CCAR1: variants seen among roughly 807,000 people sequenced by gnomAD.
CCAR1 encodes cell division cycle and apoptosis regulator protein 1.
In CCAR1, 78 loss-of-function variants were observed where a neutral mutation model predicts 163.8. That is an observed-to-expected ratio of 0.48 (90% CI 0.40 to 0.57). CCAR1 has a LOEUF of 0.57. Among genes scored for constraint, CCAR1 ranks in the 20% least tolerant of loss-of-function variants. CCAR1 has a pLI of 0.00. For missense variants in CCAR1, 1,019 were observed against 1,365.2 expected, an observed-to-expected ratio of 0.75 and a Z score of 4.00; for synonymous variants, 443 against 460.7, an observed-to-expected ratio of 0.96 and a Z score of 0.49.
intron 1 of CCAR1, chr10:68,721,557 C>A (rs967790285): frequency 4.5e-6 from 2 of 449,122 alleles, no homozygotes; most frequent in Non-Finnish European, 8.9e-6. Flanking sequence ...TGCAGTCCGC[C>A]GCCCCATTGC....
At chr10:68,749,479 C>T (rs1206900847) in intron 9 of CCAR1, 45 bp from the exon 10 acceptor site, 1 of 1,493,230 alleles carries the variant, frequency 6.7e-7, no homozygotes, top group Non-Finnish European at 9.2e-7. Context: ...AGAGCTTTTC[C>T]ATAATATTAG....
At position 68,791,330 on chromosome 10, in the gene CCAR1, G is replaced by T; in HGVS notation, c.*64G>T. ...GTAATATATAAAAATCATGATATAA[G>T]AATGTTTGAAGGTGATGCATGTTTG... is the stretch of plus-strand genomic sequence containing the variant. On this transcript the variant is annotated 3_prime_UTR_variant, in exon 25 of 25. Transcript: ENST00000265872. The T allele has an allele frequency of 8.7e-7, 1 of 1,143,688 alleles. No individual in the cohort carries two copies. Among genetic ancestry groups the T allele is most frequent in the South Asian group, 1.4e-5 (1 of 69,800 alleles). The allele number at this position is 1,143,688 out of a possible 1,614,324, so 70.8% of individuals were successfully genotyped here. A position where few individuals can be genotyped will look rare whatever the true frequency, so the allele number is the denominator to read the frequency against.
chr10:68,749,563 A>G lies in CCAR1; in HGVS notation c.996A>G (p.Arg332=). The change falls in exon 10 of 25, where the codon AGA becomes AGG. Residue 332 remains arginine (R), a synonymous_variant. Coordinates refer to ENST00000265872, the MANE Select transcript of CCAR1 (RefSeq NM_018237.4). ...RERERRRSRE[R]SPQRKRSRER... is the part of the protein sequence containing the mutation. ...GAGAAAGACGTAGATCGAGAGAAAGATCACCTCAGAGGAAACGTTCCCGGG... is the reference window on the plus strand; with the variant it reads ...GAGAAAGACGTAGATCGAGAGAAAGGTCACCTCAGAGGAAACGTTCCCGGG... The G allele has an allele frequency of 6.2e-7, 1 of 1,613,972 alleles. No individual in the cohort carries two copies. The highest frequency in any genetic ancestry group is 1.1e-5 in the South Asian group (1 of 91,068).
At chr10:68,730,122 A>T (rs985996787) in intron 2 of CCAR1, among the ~76,000 whole-genome samples, 1 of 151,576 alleles carries the variant, frequency 6.6e-6, no homozygotes. Context: ...GGGTTTTGCC[A>T]TGTTGGTCAG....
chr10:68,764,691 G>C (rs2056515756), intron 16 of CCAR1, among the ~76,000 whole-genome samples: 1 of 152,090 alleles, frequency 6.6e-6, no homozygotes, highest in African/African-American at 2.4e-5. Flanking sequence ...CTGAAGAATT[G>C]CTACAGATAG....
intron 6 of CCAR1, among the ~76,000 whole-genome samples, chr10:68,745,733 G>A (rs2056244808): frequency 6.6e-6 from 1 of 151,816 alleles, no homozygotes; most frequent in Admixed American, 6.6e-5. Context: ...CAAAGTGCTG[G>A]GATTACAGGC....
intron 10 of CCAR1, among the ~76,000 whole-genome samples, chr10:68,753,051 A>G (rs2056354283): frequency 6.6e-6 from 1 of 152,202 alleles, no homozygotes; most frequent in African/African-American, 2.4e-5. Flanking sequence ...TCAAATAAAG[A>G]CATCTCTGCA....
rs552058176 is a variant in CCAR1, at chr10:68,746,139, ATTTTTGTATTTTC to A, written c.519-1021_519-1009del. 3.2e-3 allele frequency among the ~76,000 whole-genome samples: 489 copies of A among 151,620 alleles called. 3 individuals are homozygous for A. The highest frequency in any genetic ancestry group is 0.012 in the African/African-American group (478 of 41,392). On this transcript the variant is annotated intron_variant, in intron 6 of 24. Transcript: ENST00000265872. ...AGGCTCCTGCCACCACGCCTGGCTAATTTTTGTATTTTCAGTAGGGATGGGGTTTCGCCATCTT... is the reference window on the plus strand; with the variant it reads ...AGGCTCCTGCCACCACGCCTGGCTAAAGTAGGGATGGGGTTTCGCCATCTT...
Position 68,756,386 on chromosome 10 carries a change from T to C in CCAR1, c.1739T>C (p.Leu580Pro), listed in dbSNP as rs778624411. The C allele has an allele frequency of 1.2e-6, 2 of 1,614,036 alleles. No homozygotes were observed. The highest frequency in any genetic ancestry group is 4.5e-5 in the East Asian group (2 of 44,866). Residue 580 changes from leucine (L) to proline (P), a missense_variant, in exon 14 of 25, where the codon CTT becomes CCT. Physicochemically the swap from Leu to Pro is moderately conservative, Grantham distance 98 (BLOSUM62 -3). This residue lies in a region of CCAR1 where 644 missense variants were observed against 904.4 expected (regional missense o/e 0.71). Transcript: ENST00000265872. The surrounding 1 kb of genome is among the most constrained non-coding windows in gnomAD (Gnocchi z 5.1). ...VLFFPDVWHCLPTRSEWETLS... is the reference protein window; with the variant it reads ...VLFFPDVWHCPPTRSEWETLS... ...TTTTTCCCGGATGTTTGGCATTGCC[T>C]TCCCACCCGCTCAGAGTGGGAAACC...
chr10:68,755,341 T>C (rs772103635), intron 12 of CCAR1, 29 bp from the exon 13 acceptor site: 1 of 1,594,154 alleles, frequency 6.3e-7, no homozygotes, highest in Non-Finnish European at 8.6e-7. Context: ...GTGCGTAATA[T>C]ATGTAAATGA....
At chr10:68,729,981 A>G (rs888653746) in intron 2 of CCAR1, among the ~76,000 whole-genome samples, 2 of 151,678 alleles carry the variant, frequency 1.3e-5, no homozygotes, top group Non-Finnish European at 2.9e-5. Flanking sequence ...GTGCAGTGGT[A>G]CAATCTCAGC....
intron 16 of CCAR1, among the ~76,000 whole-genome samples, chr10:68,762,966 T>G (rs1229572702): frequency 6.6e-6 from 1 of 152,154 alleles, no homozygotes; most frequent in African/African-American, 2.4e-5. Flanking sequence ...AGAGTATTTT[T>G]GGGACAGTTG....
intron 10 of CCAR1, among the ~76,000 whole-genome samples, chr10:68,750,214 C>CTTTTTTTT (rs58204351): frequency 1.9e-5 from 1 of 52,970 alleles, no homozygotes; most frequent in Non-Finnish European, 5.1e-5. Flanking sequence ...TTTCTTTTTT[C>CTTTTTTTT]TTTTTTTTTT....
intron 15 of CCAR1, among the ~76,000 whole-genome samples, chr10:68,758,887 G>A (rs2056434230): frequency 6.6e-6 from 1 of 151,708 alleles, no homozygotes; most frequent in Admixed American, 6.6e-5. Flanking sequence ...TGGCCAGGCT[G>A]GTCTGAACTC....
intron 10 of CCAR1, among the ~76,000 whole-genome samples, chr10:68,752,291 T>G (rs1488494470): frequency 6.6e-6 from 1 of 152,176 alleles, no homozygotes; most frequent in Non-Finnish European, 1.5e-5. Flanking sequence ...AAAAATGATT[T>G]TAAAGTTTCC....
chr10:68,725,684 C>T (rs970519943), intron 2 of CCAR1, among the ~76,000 whole-genome samples: 3 of 152,072 alleles, frequency 2.0e-5, no homozygotes, highest in African/African-American at 7.2e-5. Flanking sequence ...TATTTTATAT[C>T]TCTTACTCTT....
At chr10:68,760,788 T>C (rs1296953991) in intron 15 of CCAR1, 2 of 293,392 alleles carry the variant, frequency 6.8e-6, no homozygotes, top group Middle Eastern at 9.7e-4. Flanking sequence ...TGCTTGAACC[T>C]GGGAGGCAGA....
intron 8 of CCAR1, among the ~76,000 whole-genome samples, chr10:68,747,960 TCTC>T (rs2133347704): frequency 6.6e-6 from 1 of 152,058 alleles, no homozygotes; most frequent in South Asian, 2.1e-4. Flanking sequence ...TTCAAGCTCT[TCTC>T]CTGCCTCAGC....
chr10:68,743,105 G>T (rs2133336114), intron 6 of CCAR1, among the ~76,000 whole-genome samples: 1 of 152,030 alleles, frequency 6.6e-6, no homozygotes, highest in Middle Eastern at 3.4e-3. Flanking sequence ...GCTCATTTTT[G>T]TATTTTTAGT....
Sources: gnomAD v4.1 joint callset for allele counts (sites outside exome capture counted in the v4.1 genomes callset) on GRCh38, gnomAD v4.1.1 for gene constraint, gnomAD v4.1.1 regional missense constraint, Gnocchi (gnomAD v3.1) non-coding constraint, MANE v1.5 for transcripts, NCBI Gene and HGNC (gene_info 2026-07-23, HGNC 2026-07-21) for gene names.